Variants in FAM177B observed in about 807,000 individuals in gnomAD.
The protein encoded by FAM177B is protein FAM177B.
A neutral mutation model predicts 16.1 loss-of-function variants in FAM177B; 16 were observed. The observed-to-expected ratio is 0.99, with a 90% CI of 0.67 to 1.51. The LOEUF is 1.51. Ranked by LOEUF, FAM177B falls within the 40% of genes most tolerant of loss-of-function variation. The pLI is 0.00. For missense variants in FAM177B, 178 were observed against 183.7 expected, an observed-to-expected ratio of 0.97 and a Z score of 0.18; for synonymous variants, 56 against 59.9, an observed-to-expected ratio of 0.93 and a Z score of 0.30.
At chr1:222,748,742 G>C (rs368534469) in intron 4 of FAM177B, among the ~76,000 whole-genome samples, 2 of 152,134 alleles carry the variant, frequency 1.3e-5, no homozygotes, top group African/African-American at 4.8e-5. Context: ...TTAATGAAAA[G>C]ATAAGACATA....
At chr1:222,741,015 T>C (rs1658499221) in intron 2 of FAM177B, among the ~76,000 whole-genome samples, 1 of 151,186 alleles carries the variant, frequency 6.6e-6, no homozygotes, top group Non-Finnish European at 1.5e-5. Context: ...TCCTGTTTAC[T>C]AATGTTTTTA....
At chr1:222,749,264 A>G in intron 4 of FAM177B, 1 of 538,192 alleles carries the variant, frequency 1.9e-6, no homozygotes, top group Non-Finnish European at 3.3e-6. Context: ...ATATAAAGAT[A>G]GAAGATTTGA....
intron 3 of FAM177B, 56 bp from the exon 4 acceptor site, chr1:222,746,959 T>C: frequency 8.5e-7 from 1 of 1,173,952 alleles, no homozygotes; most frequent in South Asian, 1.2e-5. Context: ...TTAAAACAAA[T>C]CTGCAGTCAC....
chr1:222,748,118 T>C (rs1658882218), intron 4 of FAM177B, among the ~76,000 whole-genome samples: 1 of 152,106 alleles, frequency 6.6e-6, no homozygotes, highest in Non-Finnish European at 1.5e-5. Context: ...GTATGAACCT[T>C]CAAGAAATAA....
chr1:222,749,610 G>A (rs779543964), intron 5 of FAM177B, 48 bp downstream of exon 5: 19 of 1,167,764 alleles, frequency 1.6e-5, no homozygotes, highest in African/African-American at 4.6e-5. Flanking sequence ...GGGAATATTG[G>A]TTGCTCCAAA....
intron 3 of FAM177B, 115 bp from the exon 4 acceptor site, chr1:222,746,900 T>G: frequency 1.1e-6 from 1 of 934,562 alleles, no homozygotes; most frequent in Non-Finnish European, 1.7e-6. Context: ...TCTTCATCTG[T>G]GAGAGAGAAA....
At chr1:222,740,204 C>T (rs1269697960) in intron 2 of FAM177B, among the ~76,000 whole-genome samples, 1 of 152,076 alleles carries the variant, frequency 6.6e-6, no homozygotes. Flanking sequence ...AGCACTGTAG[C>T]AATAAGATTT....
rs1479050051 is a variant in FAM177B at position 222,749,539 on chromosome 1, G to A, written c.316G>A (p.Glu106Lys). ...TQPKYQYVLN[E>K]FYRIQNKKSD... ...ACCCAAATATCAGTATGTGTTAAAC[G>A]AGTTCTATAGGATACAAAACAAGGT... Residue 106 changes from glutamate (E) to lysine (K), a missense_variant, in exon 5 of 6, where the codon GAG (glutamate) becomes AAG (lysine). Glu to Lys is a moderately conservative substitution (Grantham distance 56, BLOSUM62 1). Coordinates refer to ENST00000445590, the MANE Select transcript of FAM177B (RefSeq NM_001394345.1). The A allele has an allele frequency of 6.2e-6, 10 of 1,600,472 alleles. No homozygotes were observed. The highest frequency in any genetic ancestry group is 8.6e-6 in the Non-Finnish European group (10 of 1,169,388).
chr1:222,750,133 C>G lies in FAM177B; in HGVS notation c.*75C>G. On this transcript the variant is annotated 3_prime_UTR_variant, in exon 6 of 6. Coordinates refer to ENST00000445590, the MANE Select transcript of FAM177B (RefSeq NM_001394345.1). Reference sequence around the variant, plus strand: ...AGCAAAGACTGCAGTTTCCCTGGATCTGTTCCTTGGCCATTGATTACCATG... The same window carrying G: ...AGCAAAGACTGCAGTTTCCCTGGATGTGTTCCTTGGCCATTGATTACCATG... 6.4e-7 allele frequency: 1 copy of G among 1,568,432 alleles called. No homozygotes were observed. The highest frequency in any genetic ancestry group is 8.6e-7 in the Non-Finnish European group (1 of 1,161,182).
At chr1:222,738,800 C>A (rs1186009038) in intron 2 of FAM177B, among the ~76,000 whole-genome samples, 1 of 152,154 alleles carries the variant, frequency 6.6e-6, no homozygotes, top group Non-Finnish European at 1.5e-5. Context: ...ACTATTGAGA[C>A]CCCTCTGTGT....
At chr1:222,743,986 A>AC (rs767614493) in intron 2 of FAM177B, among the ~76,000 whole-genome samples, 3 of 151,346 alleles carry the variant, frequency 2.0e-5, no homozygotes, top group South Asian at 4.2e-4. Context: ...CTTGCTTTCA[A>AC]CCCCCTGCCC....
At chr1:222,742,230 TTA>T (rs1247024072) in intron 2 of FAM177B, among the ~76,000 whole-genome samples, 1 of 152,158 alleles carries the variant, frequency 6.6e-6, no homozygotes, top group Non-Finnish European at 1.5e-5. Context: ...CCAACATAAA[TTA>T]TACTGTATTG....
At position 222,750,889 on chromosome 1, in the gene FAM177B, G is replaced by A. The variant is rs188757306; in HGVS notation, c.*831G>A. The stretch of plus-strand genomic sequence containing the variant: ...CACTTCTCCCATTTACTAGTTGTGT[G>A]ATTTGAGATGTCTAGATTTCTGAGC... On this transcript the variant is annotated 3_prime_UTR_variant, in exon 6 of 6. Coordinates refer to ENST00000445590, the MANE Select transcript of FAM177B (RefSeq NM_001394345.1). 1.3e-5 allele frequency: 2 copies of A among 152,122 alleles called. No homozygotes were observed. Among genetic ancestry groups the A allele is most frequent in the African/African-American group, 4.8e-5 (2 of 41,488 alleles). The allele number at this position is 152,122 out of a possible 1,614,324, so 9.4% of individuals were successfully genotyped here.
chr1:222,750,025 A>G lies in FAM177B; in HGVS notation c.444A>G (p.Ile148Met). 1 of 1,613,970 alleles carries G rather than the reference A, an allele frequency of 6.2e-7. No homozygotes were observed. Among genetic ancestry groups the G allele is most frequent in the Non-Finnish European group, 8.5e-7 (1 of 1,179,956 alleles). The stretch of plus-strand genomic sequence containing the variant: ...CTGGGGTCCAAGAGTATGGAACCAT[A>G]CAACAGGATGTGACAGAGGCCATTC... Reference protein sequence around the residue: ...LEAGVQEYGTIQQDVTEAIPQ With the variant: ...LEAGVQEYGTMQQDVTEAIPQ The change falls in exon 6 of 6, where the codon ATA becomes ATG. Residue 148 changes from isoleucine (I) to methionine (M), a missense_variant. Transcript: ENST00000445590.
chr1:222,749,138 G>A (rs1160708351), intron 4 of FAM177B: 1 of 462,408 alleles, frequency 2.2e-6, no homozygotes, highest in African/African-American at 2.0e-5. Flanking sequence ...TATGCATGGG[G>A]ATAATGAACA....
chr1:222,745,137 A>G (rs766803997), intron 2 of FAM177B, among the ~76,000 whole-genome samples: 42 of 152,346 alleles, frequency 2.8e-4, no homozygotes, highest in Admixed American at 9.1e-4. Flanking sequence ...GGAGTATTCT[A>G]TTAAATATAT....
Position 222,750,009 on chromosome 1 carries a change from A to G in FAM177B, c.428A>G (p.Gln143Arg), listed in dbSNP as rs6683071. The change falls in exon 6 of 6, where the codon CAA (glutamine) becomes CGA (arginine). Residue 143 changes from glutamine (Q) to arginine (R), a missense_variant. Physicochemically the swap from Gln to Arg is conservative, Grantham distance 43 (BLOSUM62 1). Transcript: ENST00000445590. ...NEKCHLEAGV[Q>R]EYGTIQQDVT... ...AAGTGTCACTTGGAGGCTGGGGTCC[A>G]AGAGTATGGAACCATACAACAGGAT... 0.81 allele frequency: 1,306,320 copies of G among 1,613,604 alleles called. 529,331 individuals are homozygous for G. Among genetic ancestry groups the G allele is most frequent in the Admixed American group, 0.85 (50,815 of 59,976 alleles).
chr1:222,742,280 A>G (rs969109992), intron 2 of FAM177B, among the ~76,000 whole-genome samples: 12 of 152,130 alleles, frequency 7.9e-5, no homozygotes, highest in African/African-American at 2.9e-4. Flanking sequence ...TTAAACTTTG[A>G]TGTTGAGAAA....
chr1:222,749,514 A>G lies in FAM177B; in HGVS notation c.291A>G (p.Gln97=). The G allele has an allele frequency of 6.2e-7, 1 of 1,611,074 alleles. No homozygotes were observed. Among genetic ancestry groups the G allele is most frequent in the Non-Finnish European group, 8.5e-7 (1 of 1,178,068 alleles). The change falls in exon 5 of 6, where the codon CAA becomes CAG. Residue 97 remains glutamine (Q), a synonymous_variant. Transcript: ENST00000445590. ...GRFAVFFGLT[Q]PKYQYVLNEF... ...TTGCTGTCTTCTTTGGTCTTACTCA[A>G]CCCAAATATCAGTATGTGTTAAACG...
Sources: gnomAD v4.1 joint callset for allele counts (sites outside exome capture counted in the v4.1 genomes callset) on GRCh38, gnomAD v4.1.1 for gene constraint, MANE v1.5 for transcripts, NCBI Gene and HGNC (gene_info 2026-07-23, HGNC 2026-07-21) for gene names.